VRK2: variants seen among roughly 807,000 people sequenced by gnomAD.
VRK2 encodes serine/threonine-protein kinase VRK2.
In VRK2, 60 loss-of-function variants were observed where a neutral mutation model predicts 57.6. The observed-to-expected ratio is 1.04, with a 90% CI of 0.85 to 1.29. The LOEUF (loss-of-function observed/expected upper bound fraction) is 1.29, where lower values mean the gene tolerates loss of function less well. Among genes scored for constraint, VRK2 ranks in the 50% most tolerant of loss-of-function variants. VRK2 has a pLI of 0.00. For missense variants in VRK2, 705 were observed against 588.1 expected (o/e 1.20, Z -2.06); for synonymous variants, 231 against 199.2 (o/e 1.16, Z -1.35).
At chr2:58,107,274 T>C (rs1674897071) in intron 7 of VRK2, among the ~76,000 whole-genome samples, 1 of 152,108 alleles carries the variant, frequency 6.6e-6, no homozygotes, top group South Asian at 2.1e-4. Context: ...CCCAGTGGGT[T>C]TTTCTTTTTT....
rs1558688344 is a variant in VRK2 at position 58,137,923 on chromosome 2, AGGT to A, written c.857-1742_857-1740del. On this transcript the variant is annotated intron_variant, in intron 10 of 12. Coordinates refer to ENST00000340157, the MANE Select transcript of VRK2 (RefSeq NM_006296.7). ...TATTACATCACAATATCTACGCTTC[AGGT>A]TTGTAATAATAAATTTATAATGGAA... Among the ~76,000 whole-genome samples, 93 of 152,296 alleles carry A rather than the reference AGGT, an allele frequency of 6.1e-4. 1 individual carries two copies. In the East Asian group the frequency reaches 0.017, roughly 27 times the overall value.
At chr2:57,933,090 G>A (rs905265195) in intron 1 of VRK2, among the ~76,000 whole-genome samples, 7 of 151,962 alleles carry the variant, frequency 4.6e-5, no homozygotes, top group South Asian at 4.2e-4. Context: ...TGTGGACTAC[G>A]ATATGACCTA....
At chr2:58,065,309 C>G (rs1248925020) in intron 2 of VRK2, among the ~76,000 whole-genome samples, 1 of 152,036 alleles carries the variant, frequency 6.6e-6, no homozygotes, top group Non-Finnish European at 1.5e-5. Context: ...CTCTGGCAGC[C>G]ATTGATCTAT....
At chr2:58,010,238 T>C (rs1673379108) in intron 1 of VRK2, among the ~76,000 whole-genome samples, 1 of 152,294 alleles carries the variant, frequency 6.6e-6, no homozygotes, top group African/African-American at 2.4e-5. Flanking sequence ...TAATTTGTCA[T>C]TGCCTTAGTT....
intron 1 of VRK2, among the ~76,000 whole-genome samples, chr2:57,943,789 A>G (rs1398947104): frequency 1.3e-5 from 2 of 152,234 alleles, no homozygotes; most frequent in African/African-American, 4.8e-5. Context: ...TAAAGAAATA[A>G]TAATGTTCTA....
chr2:58,069,724 G>A (rs377609718), intron 2 of VRK2, among the ~76,000 whole-genome samples: 6 of 152,190 alleles, frequency 3.9e-5, no homozygotes, highest in East Asian at 1.9e-4. Context: ...GGAAAGAACC[G>A]AAAGGTGAAA....
At chr2:57,950,112 A>G (rs1260936769) in intron 1 of VRK2, among the ~76,000 whole-genome samples, 1 of 152,258 alleles carries the variant, frequency 6.6e-6, no homozygotes, top group East Asian at 1.9e-4. Flanking sequence ...TGCAAGATGA[A>G]GTAGCAAGTG....
In VRK2 at chr2:58,114,963, G is replaced by C. The variant is rs562867077; in HGVS notation, c.544-8138G>C. 4.8e-4 allele frequency among the ~76,000 whole-genome samples: 73 copies of C among 151,138 alleles called. 1 individual carries two copies. Among genetic ancestry groups the C allele is most frequent in the East Asian group, 2.0e-3 (10 of 5,120 alleles). ...CCCGTCCTGGGTGGGGGCAAATCCT[G>C]GAGCTTGATGTGTAGGGAAGGGAGG... On this transcript the variant is annotated intron_variant, in intron 7 of 12. Transcript: ENST00000340157.
chr2:57,957,487 A>G (rs548344259), intron 1 of VRK2, among the ~76,000 whole-genome samples: 13 of 151,838 alleles, frequency 8.6e-5, no homozygotes, highest in African/African-American at 1.2e-4. Context: ...TAAAGTGAGG[A>G]CTGTAGAGGA....
rs556559167 is a variant in VRK2, at chr2:57,914,120, C to T, written c.-439+6281C>T. ...GAATATCTACTTCTGAAATTAGGAT[C>T]CTCTGTCCATTAGTCAATTAAATAT... On this transcript the variant is annotated intron_variant, in intron 1 of 15. Coordinates refer to the VRK2 transcript ENST00000417641. Among the ~76,000 whole-genome samples, 3 of 152,068 alleles carry T rather than the reference C, an allele frequency of 2.0e-5. No individual in the cohort carries two copies. The South Asian group carries it at 6.2e-4, about 32-fold the overall frequency.
At chr2:57,940,739 CAATT>C (rs1671066535) in intron 1 of VRK2, among the ~76,000 whole-genome samples, 1 of 151,992 alleles carries the variant, frequency 6.6e-6, no homozygotes, top group African/African-American at 2.4e-5. Context: ...ACTAAAGAAA[CAATT>C]AAAACTCAAC....
At chr2:58,122,109 A>T (rs1355317449) in intron 7 of VRK2, among the ~76,000 whole-genome samples, 1 of 152,234 alleles carries the variant, frequency 6.6e-6, no homozygotes, top group African/African-American at 2.4e-5. Context: ...ATGAAAGGTC[A>T]AAAGTTCTGC....
At chr2:58,067,021 A>G (rs1441133692) in intron 2 of VRK2, among the ~76,000 whole-genome samples, 2 of 152,218 alleles carry the variant, frequency 1.3e-5, no homozygotes, top group African/African-American at 4.8e-5. Context: ...ACTAGAACAA[A>G]GCATGCAGAA....
intron 1 of VRK2, among the ~76,000 whole-genome samples, chr2:57,964,822 G>A (rs941815837): frequency 4.5e-5 from 6 of 133,812 alleles, no homozygotes; most frequent in Non-Finnish European, 9.3e-5. Flanking sequence ...GAAGGTTGCA[G>A]TGAGTCAATA....
chr2:57,910,097 T>G (rs545691836), intron 1 of VRK2, among the ~76,000 whole-genome samples: 1 of 149,512 alleles, frequency 6.7e-6, no homozygotes, highest in Non-Finnish European at 1.5e-5. Flanking sequence ...CTTAAAACCA[T>G]GAATGAAGAT....
At chr2:58,044,470 A>C (rs954284460), upstream of VRK2, among the ~76,000 whole-genome samples, 2 of 152,236 alleles carry the variant, frequency 1.3e-5, no homozygotes, top group Non-Finnish European at 2.9e-5. Flanking sequence ...AAAACAGGCA[A>C]AAATGTTGCC....
At chr2:58,095,635 A>T (rs1673028521) in intron 7 of VRK2, among the ~76,000 whole-genome samples, 1 of 151,936 alleles carries the variant, frequency 6.6e-6, no homozygotes, top group African/African-American at 2.4e-5. Flanking sequence ...AATTTACGGA[A>T]TTATTTGTGG....
intron 1 of VRK2, among the ~76,000 whole-genome samples, chr2:58,004,686 A>C (rs1209985818): frequency 1.3e-5 from 2 of 152,190 alleles, no homozygotes; most frequent in African/African-American, 2.4e-5. Flanking sequence ...CTGCCAAAGA[A>C]AAGTATACTC....
chr2:58,156,057 A>C (rs959898755), intron 12 of VRK2, among the ~76,000 whole-genome samples: 1 of 151,748 alleles, frequency 6.6e-6, no homozygotes. Context: ...TAGAATTTTC[A>C]GTGTTTTGAT....
Sources: gnomAD v4.1 joint callset for allele counts (sites outside exome capture counted in the v4.1 genomes callset) on GRCh38, gnomAD v4.1.1 for gene constraint, MANE v1.5 for transcripts, NCBI Gene and HGNC (gene_info 2026-07-23, HGNC 2026-07-21) for gene names.